Variants in LOXHD1 observed in about 807,000 individuals in gnomAD.
LOXHD1 encodes the protein lipoxygenase homology PLAT domains 1.
Under a neutral mutation model 248.2 loss-of-function variants are expected in LOXHD1, and 205 were observed. That is an observed-to-expected ratio of 0.83 (90% CI 0.74 to 0.93). The LOEUF (loss-of-function observed/expected upper bound fraction) is 0.93. Ranked by LOEUF, LOXHD1 falls within the 40% of genes least tolerant of loss-of-function variation. The pLI, the probability that LOXHD1 is intolerant of heterozygous loss-of-function variation, is 0.00. For missense variants in LOXHD1, 2,930 were observed against 2,971.6 expected (o/e 0.99, Z 0.33); for synonymous variants, 1,113 against 1,162.8 (o/e 0.96, Z 0.87).
chr18:46,545,441 G>C lies in LOXHD1; in HGVS notation c.3515-20C>G. ...ATTTATCTGCCAAGAGAATAGTATA[G>C]AGCAATGAATTGTAGACTGTTCCTT... On this transcript the variant is annotated intron_variant, in intron 22 of 40. Transcript: ENST00000642948. 1 of 1,514,488 alleles carries C rather than the reference G, an allele frequency of 6.6e-7. No homozygotes were observed. The highest frequency in any genetic ancestry group is 9.0e-7 in the Non-Finnish European group (1 of 1,112,950). 93.8% of individuals were successfully genotyped at this position (1,514,488 alleles called of 1,614,324 possible).
intron 34 of LOXHD1, among the ~76,000 whole-genome samples, chr18:46,515,684 G>A (rs2035211854): frequency 6.6e-6 from 1 of 152,192 alleles, no homozygotes; most frequent in Non-Finnish European, 1.5e-5. Flanking sequence ...ATGGGGTTGG[G>A]TAGAGATTAG....
At chr18:46,614,098 G>A (rs1202766577) in intron 5 of LOXHD1, among the ~76,000 whole-genome samples, 1 of 152,180 alleles carries the variant, frequency 6.6e-6, no homozygotes, top group Non-Finnish European at 1.5e-5. Flanking sequence ...TGGAGAAATA[G>A]GAACACTTTT....
chr18:46,584,329 A>T (rs328160), intron 12 of LOXHD1, among the ~76,000 whole-genome samples: 120,595 of 152,014 alleles, frequency 0.79, 48,388 homozygotes, highest in Non-Finnish European at 0.86. Flanking sequence ...CAGTATAATG[A>T]CTATAGTTAA....
intron 21 of LOXHD1, among the ~76,000 whole-genome samples, chr18:46,554,183 A>T (rs907188785): frequency 6.6e-6 from 1 of 152,128 alleles, no homozygotes; most frequent in Non-Finnish European, 1.5e-5. Context: ...GATGGTGAAG[A>T]TAGAAGGGAT....
At chr18:46,548,647 A>G (rs2036952974) in intron 21 of LOXHD1, among the ~76,000 whole-genome samples, 1 of 152,214 alleles carries the variant, frequency 6.6e-6, no homozygotes, top group African/African-American at 2.4e-5. Context: ...ATAGTTATAA[A>G]TTATGGCCAA....
At chr18:46,509,530 C>T (rs112780016) in intron 35 of LOXHD1, 168 bp downstream of exon 35, 7,470 of 678,600 alleles carry the variant, frequency 0.011, 59 homozygotes, top group Middle Eastern at 0.016. Flanking sequence ...AAACGACATT[C>T]TCTGATTAAT....
chr18:46,555,044 C>G lies in LOXHD1; in HGVS notation c.3350+2312G>C, dbSNP rs1486989880. On this transcript the variant is annotated intron_variant, in intron 21 of 40. Coordinates refer to ENST00000642948, the MANE Select transcript of LOXHD1 (RefSeq NM_001384474.1). ...GGGGGACAAGTACTGACAGGCATTACTATAGATTGTAAAGCTATAATAATG... is the reference window on the plus strand; with the variant it reads ...GGGGGACAAGTACTGACAGGCATTAGTATAGATTGTAAAGCTATAATAATG... 10 of 453,852 alleles carry G rather than the reference C, an allele frequency of 2.2e-5. No individual in the cohort carries two copies. In the Admixed American group the frequency reaches 2.4e-4, roughly 11 times the overall value. 28.1% of individuals were successfully genotyped at this position (453,852 alleles called of 1,614,324 possible).
At chr18:46,550,781 A>G (rs1009509790) in intron 21 of LOXHD1, among the ~76,000 whole-genome samples, 1 of 152,192 alleles carries the variant, frequency 6.6e-6, no homozygotes, top group African/African-American at 2.4e-5. Flanking sequence ...GGCCACTGGC[A>G]TTTTAGGCCT....
At chr18:46,491,438 C>T (rs891461552) in intron 37 of LOXHD1, among the ~76,000 whole-genome samples, 20 of 152,182 alleles carry the variant, frequency 1.3e-4, no homozygotes, top group Admixed American at 6.5e-5. Context: ...AGCTCCCAGG[C>T]GAGGTCAACG....
Position 46,509,725 on chromosome 18 carries a change from G to A in LOXHD1, c.5490C>T (p.Gly1830=), listed in dbSNP as rs1598879750. The A allele has an allele frequency of 2.6e-6, 4 of 1,551,558 alleles. No individual in the cohort carries two copies. The highest frequency in any genetic ancestry group is 3.4e-4 in the Middle Eastern group (2 of 5,962). Residue 1830 remains glycine, a synonymous_variant, in exon 35 of 41, where the codon GGC becomes GGT. Transcript: ENST00000642948. The part of the protein sequence containing the change: ...TKMRIRIDGL[G]SRPEWFLERI... ...TCTCCAGGAACCACTCCGGCCGACT[G>A]CCCAGGCCATCAATCCGGATCCGCA...
At chr18:46,629,342 C>G (rs1213248865) in intron 4 of LOXHD1, among the ~76,000 whole-genome samples, 1 of 152,196 alleles carries the variant, frequency 6.6e-6, no homozygotes, top group African/African-American at 2.4e-5. Context: ...ACGATAATAT[C>G]CTATAGAATC....
chr18:46,632,742 C>T (rs1199173173), intron 4 of LOXHD1, among the ~76,000 whole-genome samples: 5 of 152,280 alleles, frequency 3.3e-5, no homozygotes, highest in East Asian at 1.9e-4. Flanking sequence ...GCTGGAAAAG[C>T]GGTTGCCAGC....
intron 31 of LOXHD1, 60 bp from the exon 32 acceptor site, chr18:46,522,369 T>A: frequency 7.1e-7 from 1 of 1,405,476 alleles, no homozygotes; most frequent in Non-Finnish European, 9.8e-7. Context: ...CACTGCCTCA[T>A]AGACTCACAG....
intron 4 of LOXHD1, among the ~76,000 whole-genome samples, chr18:46,631,141 G>T (rs1168479881): frequency 6.6e-6 from 1 of 152,292 alleles, no homozygotes; most frequent in East Asian, 1.9e-4. Context: ...CAAGGTAGCA[G>T]CTGTGAGTAA....
rs187394174 is a variant in LOXHD1 at position 46,532,393 on chromosome 18, G to A, written c.4375+769C>T. Among the ~76,000 whole-genome samples, 68 of 152,244 alleles carry A rather than the reference G, an allele frequency of 4.5e-4. No homozygotes were observed. The East Asian group carries it at 8.5e-3, about 19-fold the overall frequency. On this transcript the variant is annotated intron_variant, in intron 28 of 40. Coordinates refer to ENST00000642948, the MANE Select transcript of LOXHD1 (RefSeq NM_001384474.1). ...TCCATATGTTCTGGGAAAAGTGTGC[G>A]TGTGTGTGTGTCTGTATGTGTACAC...
intron 33 of LOXHD1, chr18:46,519,023 G>A (rs775341347): frequency 1.2e-4 from 115 of 985,384 alleles, no homozygotes; most frequent in Non-Finnish European, 1.3e-4. Context: ...AGGGTGAGGC[G>A]CAGCCTGCTC....
chr18:46,516,437 C>T (rs1218064279), intron 34 of LOXHD1, among the ~76,000 whole-genome samples: 3 of 152,122 alleles, frequency 2.0e-5, no homozygotes, highest in South Asian at 2.1e-4. Context: ...AGAAGACAGA[C>T]ACAAAATCAG....
intron 7 of LOXHD1, among the ~76,000 whole-genome samples, chr18:46,602,104 A>G: frequency 6.6e-6 from 1 of 152,230 alleles, no homozygotes; most frequent in Admixed American, 6.5e-5. Context: ...GCAAAGGGAG[A>G]TTAAACTCTG....
Position 46,546,917 on chromosome 18 carries a change from G to A in LOXHD1, c.3492C>T (p.Asp1164=), listed in dbSNP as rs1438437322. 1.9e-6 allele frequency: 3 copies of A among 1,551,068 alleles called. No homozygotes were observed. Among genetic ancestry groups the A allele is most frequent in the African/African-American group, 2.7e-5 (2 of 73,034 alleles). ...AACCTTTCTGCTCCAGGGCCAGGTTGTCGAGGGGGTTGTTGTCACCGCCTC... is the reference window on the plus strand; with the variant it reads ...AACCTTTCTGCTCCAGGGCCAGGTTATCGAGGGGGTTGTTGTCACCGCCTC... ...GRGGGDNNPL[D]NLALEQKDKS... The change falls in exon 22 of 41, where the codon GAC becomes GAT. Residue 1164 remains aspartate (D), a synonymous_variant. Transcript: ENST00000642948.
Sources: allele counts gnomAD v4.1 joint callset (sites outside exome capture counted in the v4.1 genomes callset), GRCh38; gene constraint gnomAD v4.1.1; transcripts MANE v1.5; gene names NCBI Gene and HGNC (gene_info 2026-07-23, HGNC 2026-07-21).